Variants in SETD2 observed in about 807,000 individuals in gnomAD.
SETD2 encodes the protein histone-lysine N-methyltransferase SETD2.
Under a neutral mutation model 242.1 loss-of-function variants are expected in SETD2, and 31 were observed. The ratio of observed to expected loss-of-function variants is 0.13; its 90% CI spans 0.10 to 0.17. The LOEUF (loss-of-function observed/expected upper bound fraction) is 0.17. SETD2 is among the 10% of genes least tolerant of loss of function. The pLI, the probability that SETD2 is intolerant of heterozygous loss-of-function variation, is 1.00. For synonymous variants in SETD2, 1,006 were observed against 1,066.5 expected (o/e 0.94, Z 1.11); for missense variants, 2,481 against 3,046.3 (o/e 0.81, Z 4.37).
rs2106650883 is a variant in SETD2 at position 47,121,459 on chromosome 3, G to C, written c.3177C>G (p.Ser1059Arg). The stretch of plus-strand genomic sequence containing the variant: ...ACTGGAGACGGTTTCTTGGAATACT[G>C]CTATCATCCGAATCTGTATCTTCTG... The part of the protein sequence containing the change: ...SDSEDTDSDD[S>R]SIPRNRLQSV... The change falls in exon 3 of 21, where the codon AGC (serine) becomes AGG (arginine). Residue 1059 changes from serine (S) to arginine (R), a missense_variant. By Grantham distance (110) the Ser-to-Arg change is moderately radical. Coordinates refer to ENST00000409792, the MANE Select transcript of SETD2 (RefSeq NM_014159.7). 6.2e-7 allele frequency: 1 copy of C among 1,613,116 alleles called. No homozygotes were observed. The highest frequency in any genetic ancestry group is 1.1e-5 in the South Asian group (1 of 91,074).
chr3:47,019,914 C>G (rs1349324603), intron 18 of SETD2, 74 bp from the exon 19 acceptor site: 3 of 1,264,252 alleles, frequency 2.4e-6, no homozygotes, highest in Non-Finnish European at 2.3e-6. Context: ...GTCCCAGAAC[C>G]CTCCTTTCTT....
intron 1 of SETD2, chr3:47,145,421 T>C: frequency 3.3e-6 from 1 of 304,124 alleles, no homozygotes; most frequent in South Asian, 2.8e-5. Flanking sequence ...GACGGGGTCT[T>C]GCTTTGTTGC....
chr3:47,067,683 T>TAC (rs377730006), intron 12 of SETD2, among the ~76,000 whole-genome samples: 6 of 152,000 alleles, frequency 3.9e-5, no homozygotes, highest in African/African-American at 1.5e-4. Context: ...GTGCTGGGAT[T>TAC]ACAGGCGTGA....
At chr3:47,128,288 T>C (rs996992390) in intron 1 of SETD2, among the ~76,000 whole-genome samples, 2 of 152,112 alleles carry the variant, frequency 1.3e-5, no homozygotes, top group Non-Finnish European at 2.9e-5. Flanking sequence ...CTAACAAAGG[T>C]AACCACACTG....
rs776440125 is a variant in SETD2, at chr3:47,097,970, A to C, written c.5127T>G (p.Ser1709=). 101 of 1,613,866 alleles carry C rather than the reference A, an allele frequency of 6.3e-5. No homozygotes were observed. In the East Asian group the frequency reaches 2.2e-3, roughly 36 times the overall value. The change falls in exon 9 of 21, where the codon TCT becomes TCG. Residue 1709 remains serine (S), a synonymous_variant. Transcript: ENST00000409792. ...GCAAACTTACTGAATCCTTCTTACG[A>C]GATCGTTCCTTCTTCATTTTCCCTC... is the stretch of plus-strand genomic sequence containing the variant. ...AAGGKMKKER[S]RKKDSVDGEL... is the part of the protein sequence containing the mutation.
chr3:47,116,693 T>G lies in SETD2; in HGVS notation c.4516A>C (p.Lys1506Gln). The G allele has an allele frequency of 3.1e-6, 5 of 1,605,652 alleles. No individual in the cohort carries two copies. Among genetic ancestry groups the G allele is most frequent in the Non-Finnish European group, 4.3e-6 (5 of 1,172,480 alleles). ...RMQCECTPLS[K>Q]DERAQGEIAC... is the part of the protein sequence containing the mutation. The stretch of plus-strand genomic sequence containing the variant: ...ATTTCACCTTGAGCTCTTTCATCTT[T>G]AGAAAGAGGTGTACACTCACACTGC... Residue 1506 changes from lysine to glutamine, a missense_variant, in exon 4 of 21, where the codon AAA becomes CAA. Transcript: ENST00000409792.
chr3:47,162,980 G>A (rs1053714243), intron 1 of SETD2, among the ~76,000 whole-genome samples: 2 of 152,150 alleles, frequency 1.3e-5, no homozygotes, highest in Non-Finnish European at 2.9e-5. Context: ...GTCTTCTTTA[G>A]AGAATCCTCA....
intron 1 of SETD2, among the ~76,000 whole-genome samples, chr3:47,148,356 C>T (rs1055098212): frequency 6.6e-6 from 1 of 152,090 alleles, no homozygotes; most frequent in Non-Finnish European, 1.5e-5. Context: ...GTCCCAAACT[C>T]CTGACCTCAG....
intron 16 of SETD2, among the ~76,000 whole-genome samples, chr3:47,046,218 T>A (rs912063484): frequency 7.3e-5 from 11 of 151,318 alleles, no homozygotes; most frequent in Admixed American, 5.9e-4. Context: ...ACACCTGTAA[T>A]CCCAGCTACT....
chr3:47,093,427 G>A (rs573650615), intron 9 of SETD2, among the ~76,000 whole-genome samples: 1 of 151,870 alleles, frequency 6.6e-6, no homozygotes, highest in East Asian at 1.9e-4. Context: ...GAGATTACAG[G>A]CACCCACCAT....
chr3:47,062,439 A>T (rs1047533189), intron 13 of SETD2, 93 bp from the exon 14 acceptor site: 2 of 1,177,396 alleles, frequency 1.7e-6, no homozygotes, highest in African/African-American at 3.1e-5. Context: ...CTGTATAATA[A>T]AACTTCTATC....
intron 1 of SETD2, among the ~76,000 whole-genome samples, chr3:47,160,846 G>C (rs1697468718): frequency 2.6e-5 from 4 of 151,840 alleles, no homozygotes; most frequent in Admixed American, 2.6e-4. Context: ...CCTGTCCCTG[G>C]GCCTGCCCCA....
chr3:47,048,471 A>T (rs185271935), intron 15 of SETD2, among the ~76,000 whole-genome samples: 3 of 152,284 alleles, frequency 2.0e-5, no homozygotes, highest in Admixed American at 2.0e-4. Context: ...GCTTTGAGTA[A>T]GTGAGTGGTG....
intron 13 of SETD2, among the ~76,000 whole-genome samples, chr3:47,064,117 G>A (rs1382899671): frequency 6.6e-6 from 1 of 152,176 alleles, no homozygotes; most frequent in Admixed American, 6.5e-5. Flanking sequence ...ATAGGACAAG[G>A]AAGAGTCTCA....
intron 14 of SETD2, among the ~76,000 whole-genome samples, chr3:47,057,822 A>T (rs1441873274): frequency 6.6e-6 from 1 of 152,232 alleles, no homozygotes; most frequent in African/African-American, 2.4e-5. Flanking sequence ...AATAAAAAAC[A>T]AAATAAGTGT....
At chr3:47,022,843 A>AC (rs1484357261) in intron 18 of SETD2, among the ~76,000 whole-genome samples, 1 of 152,216 alleles carries the variant, frequency 6.6e-6, no homozygotes, top group Non-Finnish European at 1.5e-5. Context: ...AGGCCTGAGT[A>AC]CCTTTATATT....
At chr3:47,086,056 C>T (rs1337856258) in intron 11 of SETD2, 139 bp downstream of exon 11, 6 of 879,414 alleles carry the variant, frequency 6.8e-6, no homozygotes, top group Non-Finnish European at 1.0e-5. Flanking sequence ...AGGAATGATA[C>T]TGAGATGAAA....
intron 14 of SETD2, among the ~76,000 whole-genome samples, chr3:47,058,640 G>A (rs1277772410): frequency 6.6e-6 from 1 of 151,026 alleles, no homozygotes; most frequent in Non-Finnish European, 1.5e-5. Context: ...AATCTAAAAT[G>A]CAATACGACA....
At chr3:47,102,642 AAATT>A (rs2042259343) in intron 7 of SETD2, among the ~76,000 whole-genome samples, 1 of 152,106 alleles carries the variant, frequency 6.6e-6, no homozygotes, top group South Asian at 2.1e-4. Context: ...AATACTAAAA[AAATT>A]AGCTGGACGT....
Sources: gnomAD v4.1 joint callset for allele counts (sites outside exome capture counted in the v4.1 genomes callset) on GRCh38, gnomAD v4.1.1 for gene constraint, MANE v1.5 for transcripts, NCBI Gene and HGNC (gene_info 2026-07-23, HGNC 2026-07-21) for gene names.